USP35: variants seen among roughly 807,000 people sequenced by gnomAD.
The protein encoded by USP35 is ubiquitin carboxyl-terminal hydrolase 35.
USP35 carries 69 observed loss-of-function variants against 83.8 expected under a neutral mutation model. That is an observed-to-expected ratio of 0.82 (90% CI 0.68 to 1.01). The LOEUF (loss-of-function observed/expected upper bound fraction) is 1.01, where lower values mean the gene tolerates loss of function less well. USP35 is among the 50% of genes least tolerant of loss of function. The pLI is 0.00. For synonymous variants in USP35, 714 were observed against 589.5 expected, an observed-to-expected ratio of 1.21 and a Z score of -3.06; for missense variants, 1,503 against 1,362.5, an observed-to-expected ratio of 1.10 and a Z score of -1.62.
the USP35 span, chr11:78,225,004 T>C: frequency 2.8e-6 from 2 of 721,430 alleles, no homozygotes. Flanking sequence ...GGTCCTAAGA[T>C]GGAGACGCCA....
At chr11:78,217,039 T>G (rs533063790), downstream of USP35, 1 of 152,794 alleles carries the variant, frequency 6.5e-6, no homozygotes, top group Admixed American at 6.5e-5. Context: ...CTTCCTCCAC[T>G]GGACCCAAGC....
chr11:78,193,729 C>T (rs1168273644), intron 1 of USP35, among the ~76,000 whole-genome samples: 3 of 146,076 alleles, frequency 2.1e-5, no homozygotes, highest in Admixed American at 7.3e-5. Context: ...AGATGAGCCA[C>T]ATTCAAAGAG....
chr11:78,211,467 C>G (rs1328976657), intron 10 of USP35, among the ~76,000 whole-genome samples: 1 of 152,090 alleles, frequency 6.6e-6, no homozygotes, highest in African/African-American at 2.4e-5. Context: ...GGGTGTATAG[C>G]CAGTAATGGG....
chr11:78,191,040 G>C (rs1442171815), intron 1 of USP35, among the ~76,000 whole-genome samples: 1 of 152,222 alleles, frequency 6.6e-6, no homozygotes, highest in African/African-American at 2.4e-5. Context: ...ACGGAATGGT[G>C]CTTACCGTGT....
At chr11:78,189,936 G>C (rs1413766837) in intron 1 of USP35, among the ~76,000 whole-genome samples, 2 of 152,182 alleles carry the variant, frequency 1.3e-5, no homozygotes, top group South Asian at 2.1e-4. Context: ...AAAATACCTA[G>C]AGAGATGCTG....
In USP35 at chr11:78,196,500, G is replaced by A. The variant is rs1193535685; in HGVS notation, c.255G>A (p.Val85=). The A allele has an allele frequency of 1.6e-6, 2 of 1,229,484 alleles. No homozygotes were observed. The highest frequency in any genetic ancestry group is 2.3e-5 in the South Asian group (1 of 43,508). 76.2% of individuals were successfully genotyped at this position (1,229,484 alleles called of 1,614,324 possible). ...CCGAGTTCTTCAGCGCGCGTCGCGT[G>A]CTGCGCCTGCTGCAGGGTGGCGCCG... The part of the protein sequence containing the change: ...VFAEFFSARR[V]LRLLQGGAGP... The change falls in exon 2 of 11, where the codon GTG becomes GTA. Residue 85 remains valine, a synonymous_variant. Coordinates refer to ENST00000529308, the MANE Select transcript of USP35 (RefSeq NM_020798.4). This position sits in a 1 kb window ranked among gnomAD's most constrained non-coding sequence, Gnocchi z 4.8.
In USP35 at chr11:78,196,092, G is replaced by C. The variant is rs1863134618; in HGVS notation, c.-10-144G>C. On this transcript the variant is annotated intron_variant, in intron 1 of 10. Transcript: ENST00000529308. This position sits in a 1 kb window ranked among gnomAD's most constrained non-coding sequence, Gnocchi z 4.8. ...TCAGGATAGCTCTCAGTGAAATGAC[G>C]CCCTTGCCCCATTTCACAGATGAGA... is the stretch of plus-strand genomic sequence containing the variant. The C allele has an allele frequency of 1.5e-6, 2 of 1,312,592 alleles. No homozygotes were observed. The highest frequency in any genetic ancestry group is 3.1e-5 in the East Asian group (1 of 32,592). The allele number at this position is 1,312,592 out of a possible 1,614,324, so 81.3% of individuals were successfully genotyped here.
chr11:78,211,421 C>T (rs1863768507), intron 10 of USP35, among the ~76,000 whole-genome samples: 1 of 152,226 alleles, frequency 6.6e-6, no homozygotes, highest in Admixed American at 6.5e-5. Flanking sequence ...CATACATGTG[C>T]ATGTATCTTT....
chr11:78,211,087 C>T (rs767821836), intron 10 of USP35, among the ~76,000 whole-genome samples: 20 of 152,046 alleles, frequency 1.3e-4, no homozygotes, highest in East Asian at 7.7e-4. Flanking sequence ...TCCTGAAGCT[C>T]GCCCTCCCCC....
At position 78,210,229 on chromosome 11, in the gene USP35, G is replaced by A. The variant is rs779057716; in HGVS notation, c.2374G>A (p.Glu792Lys). 9 of 1,613,930 alleles carry A rather than the reference G, an allele frequency of 5.6e-6. No homozygotes were observed. Among genetic ancestry groups the A allele is most frequent in the East Asian group, 2.2e-5 (1 of 44,870 alleles). ...GTCGTGTGCCTCCCTGCAGGATGCCGAGAAGGTGGTGGAGCTGAGCCAAGG... is the reference window on the plus strand; with the variant it reads ...GTCGTGTGCCTCCCTGCAGGATGCCAAGAAGGTGGTGGAGCTGAGCCAAGG... Reference protein sequence around the residue: ...CESCASLQDAEKVVELSQGPC... With the variant: ...CESCASLQDAKKVVELSQGPC... Residue 792 changes from glutamate to lysine, a missense_variant, in exon 10 of 11, where the codon GAG becomes AAG. By Grantham distance (56) the Glu-to-Lys change is moderately conservative (BLOSUM62 1). Coordinates refer to ENST00000529308, the MANE Select transcript of USP35 (RefSeq NM_020798.4).
chr11:78,235,068 T>A, the USP35 span, among the ~76,000 whole-genome samples: 1 of 152,148 alleles, frequency 6.6e-6, no homozygotes, highest in Non-Finnish European at 1.5e-5. Flanking sequence ...GGAGACATTT[T>A]CCCCATGGTC....
At chr11:78,221,412 A>G in the USP35 span, among the ~76,000 whole-genome samples, 2 of 152,298 alleles carry the variant, frequency 1.3e-5, no homozygotes, top group African/African-American at 4.8e-5. Context: ...CATGCCACCC[A>G]TGTCACTGTC....
chr11:78,221,727 T>C, the USP35 span: 1 of 1,613,752 alleles, frequency 6.2e-7, no homozygotes, highest in South Asian at 1.1e-5. Context: ...CTGGTGATGC[T>C]CTGGGTGGAG....
At chr11:78,216,723 T>C (rs766598059), downstream of USP35, 1 of 152,268 alleles carries the variant, frequency 6.6e-6, no homozygotes, top group Non-Finnish European at 1.5e-5. Context: ...ACTCAGAACA[T>C]GCTCACATGT....
At chr11:78,199,311 C>A (rs1483649445) in intron 3 of USP35, 2 of 381,920 alleles carry the variant, frequency 5.2e-6, no homozygotes, top group Non-Finnish European at 9.8e-6. Flanking sequence ...CAGCTGAAAG[C>A]CTTGTTCTGG....
chr11:78,221,265 A>C, the USP35 span, among the ~76,000 whole-genome samples: 1 of 152,226 alleles, frequency 6.6e-6, no homozygotes, highest in East Asian at 1.9e-4. Flanking sequence ...GGGAAGAAAT[A>C]TCCTCCTCTG....
chr11:78,224,976 A>T, the USP35 span: 1 of 642,352 alleles, frequency 1.6e-6, no homozygotes. Flanking sequence ...TTCTGAACTG[A>T]GACAAGAACT....
chr11:78,195,080 C>T (rs528839363), intron 1 of USP35, among the ~76,000 whole-genome samples: 6 of 152,216 alleles, frequency 3.9e-5, no homozygotes, highest in African/African-American at 1.4e-4. Context: ...CCGGTGTGGG[C>T]TGAGGCAGGC....
At chr11:78,227,075 G>A in the USP35 span, 1 of 1,485,188 alleles carries the variant, frequency 6.7e-7, no homozygotes, top group South Asian at 1.1e-5. Flanking sequence ...AAGGGAAAGG[G>A]CAGGAGGGTG....
Sources: allele counts gnomAD v4.1 joint callset (sites outside exome capture counted in the v4.1 genomes callset), GRCh38; gene constraint gnomAD v4.1.1; non-coding constraint Gnocchi (gnomAD v3.1); transcripts MANE v1.5; gene names NCBI Gene and HGNC (gene_info 2026-07-23, HGNC 2026-07-21).